The following AP3B1 variants were observed in gnomAD, a reference collection of about 807,000 sequenced individuals.
AP3B1 encodes the protein AP-3 complex subunit beta-1.
A neutral mutation model predicts 132.5 loss-of-function variants in AP3B1; 61 were observed. The observed-to-expected ratio is 0.46, with a 90% CI of 0.37 to 0.57. AP3B1 has a LOEUF of 0.57. Ranked by LOEUF, AP3B1 falls within the 20% of genes least tolerant of loss-of-function variation. The pLI is 0.00. For synonymous variants in AP3B1, 388 were observed against 438.3 expected, an observed-to-expected ratio of 0.89 and a Z score of 1.43; for missense variants, 1,120 against 1,289.4, an observed-to-expected ratio of 0.87 and a Z score of 2.01.
chr5:78,234,521 G>A lies in AP3B1; in HGVS notation c.280-6282C>T, dbSNP rs149016782. On this transcript the variant is annotated intron_variant, in intron 3 of 26. Transcript: ENST00000255194. ...AGCAATGGTAGAAAGCAATTAACAC[G>A]TGGTTGACTGATTAACAGCAGTCAA... is the stretch of plus-strand genomic sequence containing the variant. Among the ~76,000 whole-genome samples, 504 of 152,228 alleles carry A rather than the reference G, an allele frequency of 3.3e-3. 5 individuals carry two copies. The highest frequency in any genetic ancestry group is 0.012 in the African/African-American group (481 of 41,548).
intron 1 of AP3B1, among the ~76,000 whole-genome samples, chr5:78,274,604 A>C (rs1469755858): frequency 6.6e-6 from 1 of 152,144 alleles, no homozygotes; most frequent in Non-Finnish European, 1.5e-5. Flanking sequence ...GCTGAAAACA[A>C]GAAACAATGA....
rs1554060861 is a variant in AP3B1 at position 78,053,697 on chromosome 5, A to AAAAG, written c.2578-14424_2578-14423insCTTT. On this transcript the variant is annotated intron_variant, in intron 22 of 26. Coordinates refer to ENST00000255194, the MANE Select transcript of AP3B1 (RefSeq NM_003664.5). ...CCATCTCAAAAAAAAAAAAAAAAAA[A>AAAAG]GAAAGAAAAGAAAAGTCCCCCTCAG... Among the ~76,000 whole-genome samples, 3 of 142,760 alleles carry AAAAG rather than the reference A, an allele frequency of 2.1e-5. 1 individual carries two copies. Among genetic ancestry groups the AAAAG allele is most frequent in the Non-Finnish European group, 4.5e-5 (3 of 66,278 alleles). 93.7% of individuals were successfully genotyped at this position (142,760 alleles called of 152,430 possible). A position where few individuals can be genotyped will look rare whatever the true frequency, so the allele number is the denominator to read the frequency against.
At chr5:78,129,394 A>C (rs1752599271) in intron 15 of AP3B1, 87 bp from the exon 16 acceptor site, 1 of 1,129,440 alleles carries the variant, frequency 8.9e-7, no homozygotes, top group African/African-American at 1.5e-5. Context: ...GAGGTAATAA[A>C]AATGAATGGT....
intron 22 of AP3B1, among the ~76,000 whole-genome samples, chr5:78,052,868 C>A (rs1385245868): frequency 2.0e-5 from 3 of 152,178 alleles, no homozygotes; most frequent in East Asian, 1.9e-4. Flanking sequence ...ATATGTTATA[C>A]TATTCATACA....
chr5:78,098,173 A>C (rs899845035), intron 21 of AP3B1, among the ~76,000 whole-genome samples: 1 of 151,584 alleles, frequency 6.6e-6, no homozygotes, highest in African/African-American at 2.4e-5. Context: ...TGCCTAGGAA[A>C]ACCAGAGACC....
At chr5:78,152,257 T>G (rs1219669821) in intron 14 of AP3B1, among the ~76,000 whole-genome samples, 2 of 151,660 alleles carry the variant, frequency 1.3e-5, no homozygotes, top group African/African-American at 4.9e-5. Flanking sequence ...GACTTGGTAT[T>G]AGTTCTTCTT....
At chr5:78,248,506 A>G (rs910404516) in intron 2 of AP3B1, among the ~76,000 whole-genome samples, 2 of 151,214 alleles carry the variant, frequency 1.3e-5, no homozygotes, top group African/African-American at 2.4e-5. Flanking sequence ...AAAAAAAAAA[A>G]AAAAAAAAAA....
intron 12 of AP3B1, 71 bp downstream of exon 12, chr5:78,165,539 T>C: frequency 1.9e-6 from 2 of 1,028,482 alleles, no homozygotes; most frequent in African/African-American, 1.6e-5. Flanking sequence ...TATTTCTAGA[T>C]AGAAAAAGAT....
At chr5:78,259,951 C>A (rs1367347472) in intron 2 of AP3B1, among the ~76,000 whole-genome samples, 1 of 151,090 alleles carries the variant, frequency 6.6e-6, no homozygotes, top group Non-Finnish European at 1.5e-5. Context: ...GCCTGGGCAA[C>A]AGAGCAAGAC....
In AP3B1 at chr5:78,216,744, T is replaced by C. The variant is rs188585851; in HGVS notation, c.604-507A>G. The stretch of plus-strand genomic sequence containing the variant: ...AATAGAAGAACACTTTCAAATCATA[T>C]ACATCTTAATCCACCGGTTTTTACC... On this transcript the variant is annotated intron_variant, in intron 6 of 26. Transcript: ENST00000255194. Among the ~76,000 whole-genome samples, 469 of 152,282 alleles carry C rather than the reference T, an allele frequency of 3.1e-3. 4 individuals are homozygous for C. The highest frequency in any genetic ancestry group is 0.011 in the African/African-American group (448 of 41,570).
At chr5:78,269,605 T>C (rs1031681266) in intron 1 of AP3B1, among the ~76,000 whole-genome samples, 5 of 152,348 alleles carry the variant, frequency 3.3e-5, no homozygotes, top group Non-Finnish European at 5.9e-5. Context: ...TAAAACCTTC[T>C]ACTCCTTCTA....
chr5:78,038,971 T>C, intron 23 of AP3B1, 72 bp downstream of exon 23: 2 of 910,456 alleles, frequency 2.2e-6, no homozygotes, highest in Non-Finnish European at 3.4e-6. Context: ...AAAAGTATTC[T>C]ACTTTACTTT....
intron 1 of AP3B1, among the ~76,000 whole-genome samples, chr5:78,290,544 A>T (rs1749467370): frequency 1.3e-5 from 2 of 152,192 alleles, no homozygotes; most frequent in South Asian, 4.1e-4. Context: ...AATTATTAAA[A>T]TTATTTTTAA....
chr5:78,246,335 A>G (rs538540794), intron 2 of AP3B1, among the ~76,000 whole-genome samples: 3 of 152,270 alleles, frequency 2.0e-5, no homozygotes, highest in East Asian at 1.9e-4. Flanking sequence ...CCAATCCTCT[A>G]TGTTCATGAG....
At chr5:78,149,883 A>G (rs989985559) in intron 14 of AP3B1, among the ~76,000 whole-genome samples, 1 of 152,086 alleles carries the variant, frequency 6.6e-6, no homozygotes, top group Non-Finnish European at 1.5e-5. Flanking sequence ...CTCCGCTGAG[A>G]GATGGGGTGG....
chr5:78,209,182 T>A (rs72776480), intron 7 of AP3B1, among the ~76,000 whole-genome samples: 3 of 151,880 alleles, frequency 2.0e-5, no homozygotes, highest in Non-Finnish European at 1.5e-5. Flanking sequence ...CATTCCAAAG[T>A]TAACCTGAAA....
At chr5:78,059,196 T>C (rs998750627) in intron 22 of AP3B1, among the ~76,000 whole-genome samples, 3 of 152,182 alleles carry the variant, frequency 2.0e-5, no homozygotes, top group Non-Finnish European at 4.4e-5. Context: ...AACAACTCAA[T>C]TGGCCATTGC....
chr5:78,206,854 G>A (rs1279563359), intron 7 of AP3B1, among the ~76,000 whole-genome samples: 2 of 152,198 alleles, frequency 1.3e-5, no homozygotes, highest in African/African-American at 4.8e-5. Context: ...TAGCATAGTG[G>A]CTCACGCCTG....
At chr5:78,021,855 C>T (rs570015264) in intron 24 of AP3B1, among the ~76,000 whole-genome samples, 1 of 152,178 alleles carries the variant, frequency 6.6e-6, no homozygotes, top group South Asian at 2.1e-4. Flanking sequence ...CTATGTCAAC[C>T]AAATCTGTTC....
Sources: gnomAD v4.1 joint callset for allele counts (sites outside exome capture counted in the v4.1 genomes callset) on GRCh38, gnomAD v4.1.1 for gene constraint, MANE v1.5 for transcripts, NCBI Gene and HGNC (gene_info 2026-07-23, HGNC 2026-07-21) for gene names.